RGS6: variants seen among roughly 807,000 people sequenced by gnomAD.
The protein encoded by RGS6 is regulator of G protein signaling 6.
Under a neutral mutation model 78.5 loss-of-function variants are expected in RGS6, and 30 were observed. The ratio of observed to expected loss-of-function variants is 0.38; its 90% CI spans 0.29 to 0.52. The LOEUF (loss-of-function observed/expected upper bound fraction) is 0.52. RGS6 is among the 20% of genes least tolerant of loss of function. The pLI is 0.85. For synonymous variants in RGS6, 206 were observed against 206.0 expected (o/e 1.00, Z 0.00); for missense variants, 495 against 609.7 (o/e 0.81, Z 1.98).
the RGS6 span, among the ~76,000 whole-genome samples, chr14:72,624,335 T>C: frequency 2.1e-5 from 1 of 46,668 alleles, no homozygotes; most frequent in African/African-American, 8.2e-5. Flanking sequence ...CTATGTCTCT[T>C]TTTTTTTTTT....
rs142584627 is a variant in RGS6 at position 72,470,230 on chromosome 14, C to T, written c.536+147C>T. The stretch of plus-strand genomic sequence containing the variant: ...AGAGCAACTGAGTAGAAATTAAAGT[C>T]AGGATGGATAAGTTTTGTCTTCATA... On this transcript the variant is annotated intron_variant, in intron 8 of 17. Transcript: ENST00000553525. The T allele has an allele frequency of 1.8e-3, 1,145 of 625,932 alleles. 9 individuals are homozygous for T. The highest frequency in any genetic ancestry group is 0.016 in the African/African-American group (893 of 54,316). 38.8% of individuals were successfully genotyped at this position (625,932 alleles called of 1,614,324 possible).
intron 2 of RGS6, among the ~76,000 whole-genome samples, chr14:72,308,595 T>C (rs1434642922): frequency 6.6e-6 from 1 of 152,192 alleles, no homozygotes; most frequent in East Asian, 1.9e-4. Flanking sequence ...GCTTAATTAA[T>C]TATAAATTAG....
intron 2 of RGS6, among the ~76,000 whole-genome samples, chr14:72,313,591 T>C (rs1288418597): frequency 6.6e-6 from 1 of 152,208 alleles, no homozygotes; most frequent in Non-Finnish European, 1.5e-5. Context: ...CTTTTGCCCC[T>C]GAAATCAGGG....
intron 2 of RGS6, among the ~76,000 whole-genome samples, chr14:72,205,513 A>C (rs2042515986): frequency 6.6e-6 from 1 of 152,194 alleles, no homozygotes. Context: ...GTCTCATTCC[A>C]AACACCAGCT....
chr14:72,019,469 T>C (rs1452583713), intron 2 of RGS6, among the ~76,000 whole-genome samples: 2 of 152,178 alleles, frequency 1.3e-5, no homozygotes, highest in African/African-American at 4.8e-5. Context: ...TTTTCAACAT[T>C]TGTAAAAAGG....
rs531224793 is a variant in RGS6, at chr14:72,208,794, G to A, written c.85-143301G>A. Reference sequence around the variant, plus strand: ...AATTAATATTATTGAATGCCTGTCAGTAACTAGGTAATGTATATGATACTT... The same window carrying A: ...AATTAATATTATTGAATGCCTGTCAATAACTAGGTAATGTATATGATACTT... On this transcript the variant is annotated intron_variant, in intron 2 of 17. Coordinates refer to ENST00000553525, the MANE Select transcript of RGS6 (RefSeq NM_001204424.2). 2.0e-5 allele frequency among the ~76,000 whole-genome samples: 3 copies of A among 152,308 alleles called. No homozygotes were observed. In the East Asian group the frequency reaches 5.8e-4, roughly 29 times the overall value.
chr14:72,178,938 G>A (rs2097139971), intron 2 of RGS6, among the ~76,000 whole-genome samples: 1 of 152,158 alleles, frequency 6.6e-6, no homozygotes, highest in African/African-American at 2.4e-5. Context: ...CCCCGCCTTG[G>A]GTTTGTAAAT....
intron 13 of RGS6, 147 bp downstream of exon 13, chr14:72,495,409 TAC>T (rs778235173): frequency 2.0e-4 from 126 of 637,040 alleles, no homozygotes; most frequent in Non-Finnish European, 3.3e-4. Flanking sequence ...GAGTTCTACT[TAC>T]AGTTTCTACC....
In RGS6 at chr14:72,049,098, C is replaced by T. The variant is rs545764778; in HGVS notation, c.84+84223C>T. Among the ~76,000 whole-genome samples, 27 of 152,226 alleles carry T rather than the reference C, an allele frequency of 1.8e-4. No individual in the cohort carries two copies. The South Asian group carries it at 5.6e-3, about 32-fold the overall frequency. On this transcript the variant is annotated intron_variant, in intron 2 of 17. Coordinates refer to ENST00000553525, the MANE Select transcript of RGS6 (RefSeq NM_001204424.2). The stretch of plus-strand genomic sequence containing the variant: ...TGGAAAGTAGAAGAGAAAAGTATAA[C>T]AGTGAAAAAAATTTTTCTTAGGTGT...
At chr14:72,483,059 A>T (rs939060198) in intron 12 of RGS6, among the ~76,000 whole-genome samples, 1 of 152,198 alleles carries the variant, frequency 6.6e-6, no homozygotes, top group Non-Finnish European at 1.5e-5. Flanking sequence ...AAGTTGCCAG[A>T]TAAACAAGGT....
chr14:72,465,858 G>C, intron 7 of RGS6, 36 bp downstream of exon 7: 1 of 1,541,688 alleles, frequency 6.5e-7, no homozygotes, highest in Non-Finnish European at 9.0e-7. Flanking sequence ...CATATAAGAA[G>C]AGAGTAAAAT....
intron 2 of RGS6, among the ~76,000 whole-genome samples, chr14:72,005,760 T>C (rs2084430837): frequency 6.6e-6 from 1 of 152,218 alleles, no homozygotes; most frequent in African/African-American, 2.4e-5. Context: ...TGCTGTCCTA[T>C]TTAAATAATC....
At position 72,391,706 on chromosome 14, in the gene RGS6, G is replaced by A. The variant is rs147546374; in HGVS notation, c.184+39512G>A. Among the ~76,000 whole-genome samples the A allele has an allele frequency of 1.8e-3, 271 of 152,172 alleles. 3 individuals carry two copies. The highest frequency in any genetic ancestry group is 0.012 in the South Asian group (60 of 4,820). On this transcript the variant is annotated intron_variant, in intron 3 of 17. Coordinates refer to ENST00000553525, the MANE Select transcript of RGS6 (RefSeq NM_001204424.2). ...GTTGGTTTGCTGCACCCATCAACTC[G>A]TCATTTACATTAGTTATTTCTCTTA... is the stretch of plus-strand genomic sequence containing the variant.
At chr14:72,008,289 A>G (rs148011518) in intron 2 of RGS6, among the ~76,000 whole-genome samples, 1 of 152,208 alleles carries the variant, frequency 6.6e-6, no homozygotes, top group East Asian at 1.9e-4. Context: ...AAGAAGAACC[A>G]CATTCAATTG....
intron 2 of RGS6, among the ~76,000 whole-genome samples, chr14:72,126,239 C>T (rs1030750387): frequency 6.6e-6 from 1 of 152,196 alleles, no homozygotes; most frequent in Non-Finnish European, 1.5e-5. Flanking sequence ...TAGAAATCTG[C>T]GGGAAGTTTG....
chr14:72,131,751 T>C (rs2096322546), intron 2 of RGS6, among the ~76,000 whole-genome samples: 1 of 152,224 alleles, frequency 6.6e-6, no homozygotes, highest in Admixed American at 6.5e-5. Flanking sequence ...TGTTAAAGGT[T>C]GAAGCATTCC....
chr14:72,003,503 G>T (rs1390096355), intron 2 of RGS6, among the ~76,000 whole-genome samples: 1 of 152,110 alleles, frequency 6.6e-6, no homozygotes, highest in East Asian at 1.9e-4. Flanking sequence ...CCCCGTGAAA[G>T]AATTTTTAAA....
intron 2 of RGS6, among the ~76,000 whole-genome samples, chr14:72,206,169 C>T (rs847298): frequency 0.99 from 150,167 of 152,334 alleles, 74,025 homozygotes; most frequent in East Asian, 1. Context: ...GTACAACAGT[C>T]AAAATAATGA....
intron 2 of RGS6, among the ~76,000 whole-genome samples, chr14:72,175,255 T>C (rs2097090354): frequency 6.6e-6 from 1 of 152,154 alleles, no homozygotes; most frequent in Admixed American, 6.5e-5. Flanking sequence ...CTGGAACTCT[T>C]ATGTTCTGGT....
Sources: allele counts gnomAD v4.1 joint callset (sites outside exome capture counted in the v4.1 genomes callset), GRCh38; gene constraint gnomAD v4.1.1; transcripts MANE v1.5; gene names NCBI Gene and HGNC (gene_info 2026-07-23, HGNC 2026-07-21).